Variants in SPTLC3 observed in about 807,000 individuals in gnomAD.
SPTLC3 encodes the protein serine palmitoyltransferase long chain base subunit 3.
Under a neutral mutation model 59.3 loss-of-function variants are expected in SPTLC3, and 36 were observed. The observed-to-expected ratio is 0.61, with a 90% CI of 0.47 to 0.80. The LOEUF is 0.80. Among genes scored for constraint, SPTLC3 ranks in the 30% least tolerant of loss-of-function variants. The pLI, the probability that SPTLC3 is intolerant of heterozygous loss-of-function variation, is 0.00. For synonymous variants in SPTLC3, 257 were observed against 240.8 expected (o/e 1.07, Z -0.62); for missense variants, 625 against 685.1 (o/e 0.91, Z 0.98).
chr20:13,104,738 CA>C (rs1388292689), intron 6 of SPTLC3, among the ~76,000 whole-genome samples: 1 of 152,156 alleles, frequency 6.6e-6, no homozygotes, highest in Non-Finnish European at 1.5e-5. Flanking sequence ...TCAAGAACCA[CA>C]CTGTACCATA....
chr20:13,127,004 G>A (rs1031522084), intron 9 of SPTLC3, among the ~76,000 whole-genome samples: 8 of 152,236 alleles, frequency 5.3e-5, no homozygotes, highest in East Asian at 3.9e-4. Context: ...GTGTGTGCGC[G>A]CACGTGAGCG....
chr20:13,061,236 C>A (rs946907884), intron 2 of SPTLC3, among the ~76,000 whole-genome samples: 2 of 152,122 alleles, frequency 1.3e-5, no homozygotes, highest in African/African-American at 4.8e-5. Flanking sequence ...GTCTTCGAAG[C>A]ATCTTTCTAG....
intron 9 of SPTLC3, among the ~76,000 whole-genome samples, chr20:13,127,171 AAC>A (rs1166837985): frequency 2.0e-5 from 3 of 152,320 alleles, no homozygotes; most frequent in Non-Finnish European, 2.9e-5. Flanking sequence ...ATATAGACAA[AAC>A]ACACACAATA....
At chr20:13,106,727 T>TA (rs1256032903) in intron 6 of SPTLC3, among the ~76,000 whole-genome samples, 1 of 152,180 alleles carries the variant, frequency 6.6e-6, no homozygotes, top group Non-Finnish European at 1.5e-5. Context: ...TACGTGCCAT[T>TA]AATCCTCTCC....
intron 4 of SPTLC3, among the ~76,000 whole-genome samples, chr20:13,084,960 C>T (rs1988958018): frequency 6.6e-6 from 1 of 152,146 alleles, no homozygotes; most frequent in Admixed American, 6.5e-5. Flanking sequence ...ATGTGAAAGA[C>T]CATCATAATT....
In SPTLC3 at chr20:13,104,772, T is replaced by C. The variant is rs541597219; in HGVS notation, c.827-5340T>C. Reference sequence around the variant, plus strand: ...ATAGCACCGTGTGTGTGTGCCTAGATGGTGTCAAAATTATACTTTTATTTT... The same window carrying C: ...ATAGCACCGTGTGTGTGTGCCTAGACGGTGTCAAAATTATACTTTTATTTT... On this transcript the variant is annotated intron_variant, in intron 6 of 11. Transcript: ENST00000399002. Among the ~76,000 whole-genome samples the C allele has an allele frequency of 6.6e-5, 10 of 152,296 alleles. No homozygotes were observed. The South Asian group carries it at 2.1e-3, about 32-fold the overall frequency.
intron 8 of SPTLC3, among the ~76,000 whole-genome samples, chr20:13,123,184 A>G (rs920568270): frequency 2.0e-5 from 3 of 152,132 alleles, no homozygotes; most frequent in African/African-American, 7.2e-5. Context: ...TACAAAAATT[A>G]GCCAGGAGTG....
rs1378961573 is a variant in SPTLC3 at position 13,141,591 on chromosome 20, G to T, written c.1280-12412G>T. Among the ~76,000 whole-genome samples the T allele has an allele frequency of 2.0e-5, 3 of 152,128 alleles. 1 individual carries two copies. Among genetic ancestry groups the T allele is most frequent in the Non-Finnish European group, 2.9e-5 (2 of 68,022 alleles). The stretch of plus-strand genomic sequence containing the variant: ...ATCTACAAAAAATTCCGCCCAAAAT[G>T]TACTGTCTGAGGGCCCCGGCATTCA... On this transcript the variant is annotated intron_variant, in intron 9 of 11. Coordinates refer to ENST00000399002, the MANE Select transcript of SPTLC3 (RefSeq NM_018327.4).
chr20:13,050,126 A>C (rs1987419653), intron 2 of SPTLC3: 2 of 152,248 alleles, frequency 1.3e-5, no homozygotes, highest in South Asian at 4.1e-4. Context: ...GAGGTTATTA[A>C]GCTAATCAGG....
chr20:13,032,145 A>G (rs1986507516), intron 1 of SPTLC3, among the ~76,000 whole-genome samples: 1 of 152,196 alleles, frequency 6.6e-6, no homozygotes, highest in Admixed American at 6.5e-5. Context: ...CCAATAGTAC[A>G]TTGTTTTCTC....
chr20:13,049,562 A>G (rs1987388382), intron 2 of SPTLC3: 1 of 157,972 alleles, frequency 6.3e-6, no homozygotes, highest in Non-Finnish European at 1.4e-5. Context: ...GGACTTTTTT[A>G]TTTCATCTAA....
chr20:13,030,884 C>G (rs1986409376), intron 1 of SPTLC3, among the ~76,000 whole-genome samples: 1 of 152,116 alleles, frequency 6.6e-6, no homozygotes, highest in Non-Finnish European at 1.5e-5. Context: ...TTTTTCTGAA[C>G]TAGGTCAGAT....
intron 8 of SPTLC3, among the ~76,000 whole-genome samples, chr20:13,119,798 G>A (rs6074559): frequency 0.37 from 56,058 of 152,028 alleles, 10,498 homozygotes; most frequent in Admixed American, 0.42. Flanking sequence ...AAAACATAGG[G>A]GCTGTTTCCA....
intron 11 of SPTLC3, 74 bp downstream of exon 11, chr20:13,160,206 G>C: frequency 2.7e-6 from 4 of 1,487,518 alleles, no homozygotes; most frequent in Non-Finnish European, 3.6e-6. Flanking sequence ...TGTTGAGACA[G>C]CTTGGGGTTC....
At chr20:13,143,557 T>C (rs2038435301) in intron 9 of SPTLC3, among the ~76,000 whole-genome samples, 1 of 152,200 alleles carries the variant, frequency 6.6e-6, no homozygotes. Context: ...ATTGGCTTCA[T>C]ACTGTTTGAG....
chr20:13,108,954 T>G (rs911017189), intron 6 of SPTLC3, among the ~76,000 whole-genome samples: 2 of 152,192 alleles, frequency 1.3e-5, no homozygotes, highest in Non-Finnish European at 2.9e-5. Flanking sequence ...TATTTCAGTT[T>G]CATCTTCTCA....
At chr20:13,098,759 T>C (rs184782903) in intron 6 of SPTLC3, among the ~76,000 whole-genome samples, 81 of 152,294 alleles carry the variant, frequency 5.3e-4, no homozygotes, top group African/African-American at 1.9e-3. Context: ...TTTAGCCCTG[T>C]GAAGAATTCC....
chr20:13,093,106 T>C (rs1989286595), intron 5 of SPTLC3, among the ~76,000 whole-genome samples: 1 of 152,196 alleles, frequency 6.6e-6, no homozygotes, highest in Non-Finnish European at 1.5e-5. Context: ...TAACTAAAAC[T>C]GTTCCAAATA....
intron 1 of SPTLC3, among the ~76,000 whole-genome samples, chr20:13,044,324 A>G (rs1987134854): frequency 6.7e-6 from 1 of 150,060 alleles, no homozygotes; most frequent in South Asian, 2.1e-4. Flanking sequence ...CTGGTCTTGA[A>G]CTCCTGACCT....
Sources: allele counts gnomAD v4.1 joint callset (sites outside exome capture counted in the v4.1 genomes callset), GRCh38; gene constraint gnomAD v4.1.1; transcripts MANE v1.5; gene names NCBI Gene and HGNC (gene_info 2026-07-23, HGNC 2026-07-21).